The following CLEC4A variants were observed in gnomAD, a reference collection of about 807,000 sequenced individuals.
CLEC4A encodes the protein C-type lectin domain family 4 member A, also known as C-type (calcium dependent, carbohydrate-recognition domain) lectin, superfamily member 6.
A neutral mutation model predicts 32.7 loss-of-function variants in CLEC4A; 27 were observed. That is an observed-to-expected ratio of 0.83 (90% confidence interval 0.61 to 1.14). The LOEUF is 1.14. Ranked by LOEUF, CLEC4A falls within the 50% of genes most tolerant of loss-of-function variation. The pLI is 0.00. For missense variants in CLEC4A, 253 were observed against 274.6 expected, an observed-to-expected ratio of 0.92 and a Z score of 0.55; for synonymous variants, 89 against 93.7, an observed-to-expected ratio of 0.95 and a Z score of 0.29.
At chr12:8,133,117 G>C (rs1948028878) in intron 3 of CLEC4A, among the ~76,000 whole-genome samples, 1 of 152,114 alleles carries the variant, frequency 6.6e-6, no homozygotes, top group African/African-American at 2.4e-5. Context: ...GTTTCACCAT[G>C]TTGGTCAGGC....
chr12:8,138,366 G>A lies in CLEC4A; in HGVS notation c.*79G>A. 6 of 1,528,016 alleles carry A rather than the reference G, an allele frequency of 3.9e-6. No homozygotes were observed. Among genetic ancestry groups the A allele is most frequent in the Admixed American group, 1.8e-5 (1 of 55,028 alleles). The allele number at this position is 1,528,016 out of a possible 1,614,324, so 94.7% of individuals were successfully genotyped here. On this transcript the variant is annotated 3_prime_UTR_variant, in exon 6 of 6. Coordinates refer to ENST00000229332, the MANE Select transcript of CLEC4A (RefSeq NM_016184.4). ...TAGATAATAAGCTCTTCTTATTCAT[G>A]TGTAAGGGAGGTCCATAGAATTTAG...
intron 5 of CLEC4A, among the ~76,000 whole-genome samples, 167 bp from the exon 6 acceptor site, chr12:8,137,973 C>T (rs7302963): frequency 0.82 from 125,065 of 152,090 alleles, 52,524 homozygotes; most frequent in Middle Eastern, 0.91. Context: ...AAGGAAATGC[C>T]GGAAATGCAG....
chr12:8,127,772 C>T (rs1041075758), intron 2 of CLEC4A, among the ~76,000 whole-genome samples: 8 of 152,168 alleles, frequency 5.3e-5, no homozygotes, highest in Non-Finnish European at 7.3e-5. Context: ...ATATTCAGTT[C>T]TGGGAAATAA....
intron 3 of CLEC4A, among the ~76,000 whole-genome samples, chr12:8,135,266 A>G (rs745911184): frequency 7.3e-5 from 11 of 151,598 alleles, no homozygotes; most frequent in Admixed American, 2.0e-4. Flanking sequence ...TCTTAGCATA[A>G]TGACTTATTT....
the CLEC4A span, among the ~76,000 whole-genome samples, chr12:8,104,673 C>T: frequency 2.0e-5 from 3 of 152,076 alleles, no homozygotes; most frequent in Non-Finnish European, 2.9e-5. Context: ...ATTATTTTGT[C>T]GCCTGGGTAA....
At chr12:8,129,404 A>G (rs753440208) in intron 3 of CLEC4A, 42 bp downstream of exon 3, 1 of 1,226,692 alleles carries the variant, frequency 8.2e-7, no homozygotes, top group Non-Finnish European at 1.2e-6. Flanking sequence ...TGAATGTACT[A>G]TGTAAGGATC....
intron 3 of CLEC4A, among the ~76,000 whole-genome samples, chr12:8,130,947 TG>T (rs1351731446): frequency 6.6e-6 from 1 of 152,200 alleles, no homozygotes; most frequent in Non-Finnish European, 1.5e-5. Context: ...TGAATTCTCA[TG>T]TCTCTTTAGG....
At chr12:8,123,995 C>A in intron 1 of CLEC4A, 35 bp downstream of exon 1, 1 of 1,344,310 alleles carries the variant, frequency 7.4e-7, no homozygotes, top group Non-Finnish European at 1.1e-6. Context: ...GAGTGAATGA[C>A]GAGGTGAAGG....
At chr12:8,134,743 T>C in intron 3 of CLEC4A, 1 of 1,561,728 alleles carries the variant, frequency 6.4e-7, no homozygotes, top group East Asian at 2.4e-5. Flanking sequence ...CCTTGGAAGC[T>C]TAGCCAGGTC....
At chr12:8,133,867 G>C in intron 3 of CLEC4A, 3 of 1,584,976 alleles carry the variant, frequency 1.9e-6, no homozygotes, top group Non-Finnish European at 1.7e-6. Flanking sequence ...GTGCAGTGAA[G>C]TGAGGGCTCC....
the CLEC4A span, among the ~76,000 whole-genome samples, chr12:8,103,404 T>TTTTTTTTTG: frequency 9.0e-6 from 1 of 111,056 alleles, no homozygotes; most frequent in East Asian, 2.8e-4. Context: ...TTTTTTTTTT[T>TTTTTTTTTG]TAGACGGAGT....
chr12:8,134,465 C>T, intron 3 of CLEC4A: 3 of 1,613,916 alleles, frequency 1.9e-6, no homozygotes, highest in Non-Finnish European at 2.5e-6. Flanking sequence ...GGTTTTGCTC[C>T]AGCTTCTCCT....
chr12:8,124,780 T>C (rs866621556), intron 1 of CLEC4A, among the ~76,000 whole-genome samples: 2 of 152,240 alleles, frequency 1.3e-5, no homozygotes, highest in African/African-American at 4.8e-5. Context: ...GTATTAATGT[T>C]CATTGTAGAA....
At chr12:8,108,797 C>G in the CLEC4A span, among the ~76,000 whole-genome samples, 2 of 152,178 alleles carry the variant, frequency 1.3e-5, no homozygotes, top group African/African-American at 4.8e-5. Flanking sequence ...TGTTCTGCCC[C>G]ATCAATCTAA....
chr12:8,122,681 A>G (rs1947844388), upstream of CLEC4A, among the ~76,000 whole-genome samples: 2 of 152,182 alleles, frequency 1.3e-5, no homozygotes, highest in Admixed American at 6.5e-5. Context: ...TGTCACAGAA[A>G]GGAGTTAGGA....
rs1202336595 is a variant in CLEC4A, at chr12:8,135,700, G to A, written c.414G>A (p.Glu138=). 6.2e-7 allele frequency: 1 copy of A among 1,614,044 alleles called. No homozygotes were observed. Among genetic ancestry groups the A allele is most frequent in the Admixed American group, 1.7e-5 (1 of 60,010 alleles). ...GTGAGAAGGACTGTGCTAGAATGGA[G>A]GCTCACCTGCTGGTGATAAACACTC... ...QDSEKDCARM[E]AHLLVINTQE... Residue 138 remains glutamate, a synonymous_variant, in exon 4 of 6, where the codon GAG becomes GAA. Transcript: ENST00000229332.
chr12:8,138,378 T>C lies in CLEC4A; in HGVS notation c.*91T>C, dbSNP rs1463337323. On this transcript the variant is annotated 3_prime_UTR_variant, in exon 6 of 6. Transcript: ENST00000229332. ...TCTTCTTATTCATGTGTAAGGGAGG[T>C]CCATAGAATTTAGGTGGTCTGTCAA... is the stretch of plus-strand genomic sequence containing the variant. 6 of 1,476,672 alleles carry C rather than the reference T, an allele frequency of 4.1e-6. No individual in the cohort carries two copies. The East Asian group carries it at 9.1e-5, about 22-fold the overall frequency. The allele number at this position is 1,476,672 out of a possible 1,614,324, so 91.5% of individuals were successfully genotyped here.
At chr12:8,129,443 A>T in intron 3 of CLEC4A, 81 bp downstream of exon 3, 1 of 921,816 alleles carries the variant, frequency 1.1e-6, no homozygotes, top group Non-Finnish European at 1.7e-6. Context: ...TAAGATTCCC[A>T]GGTAGATCAT....
chr12:8,109,054 G>C, the CLEC4A span, among the ~76,000 whole-genome samples: 80,628 of 152,028 alleles, frequency 0.53, 24,907 homozygotes, highest in Non-Finnish European at 0.7. Context: ...TCAGACTCCT[G>C]GTGGCAGGGG....
Sources: gnomAD v4.1 joint callset for allele counts (sites outside exome capture counted in the v4.1 genomes callset) on GRCh38, gnomAD v4.1.1 for gene constraint, MANE v1.5 for transcripts, NCBI Gene and HGNC (gene_info 2026-07-23, HGNC 2026-07-21) for gene names.